The following PARL variants were observed in gnomAD, a reference collection of about 807,000 sequenced individuals.
The protein encoded by PARL is presenilin-associated rhomboid-like protein, mitochondrial.
A neutral mutation model predicts 51.6 loss-of-function variants in PARL; 44 were observed. The observed-to-expected ratio is 0.85, with a 90% confidence interval of 0.67 to 1.10. The LOEUF is 1.10. Ranked by LOEUF, PARL falls within the 50% of genes least tolerant of loss-of-function variation. PARL has a pLI of 0.00. For missense variants in PARL, 441 were observed against 469.5 expected, an observed-to-expected ratio of 0.94 and a Z score of 0.56; for synonymous variants, 172 against 164.0, an observed-to-expected ratio of 1.05 and a Z score of -0.37.
chr3:183,827,754 G>GA (rs1185265284), downstream of PARL, among the ~76,000 whole-genome samples: 3 of 152,174 alleles, frequency 2.0e-5, no homozygotes, highest in African/African-American at 4.8e-5. Context: ...CAGGGCGGGG[G>GA]GGTGGTCCCA....
At chr3:183,861,711 G>A (rs971996700) in intron 4 of PARL, among the ~76,000 whole-genome samples, 3 of 152,056 alleles carry the variant, frequency 2.0e-5, no homozygotes, top group Non-Finnish European at 4.4e-5. Context: ...TCAAATTTGA[G>A]CAAAAGCAAT....
chr3:183,882,346 T>C lies in PARL; in HGVS notation c.125+2376A>G, dbSNP rs568396366. On this transcript the variant is annotated intron_variant, in intron 1 of 9. Transcript: ENST00000317096. ...ATATATACACATATATACACACACA[T>C]ATATACATATATGCACATATATACA... is the stretch of plus-strand genomic sequence containing the variant. Among the ~76,000 whole-genome samples, 278 of 142,830 alleles carry C rather than the reference T, an allele frequency of 1.9e-3. 1 individual carries two copies. Among genetic ancestry groups the C allele is most frequent in the Middle Eastern group, 3.7e-3 (1 of 272 alleles). 93.7% of individuals were successfully genotyped at this position (142,830 alleles called of 152,430 possible). A position where few individuals can be genotyped will look rare whatever the true frequency, so the allele number is the denominator to read the frequency against.
At chr3:183,844,430 C>CT (rs1334047405) in intron 4 of PARL, 104 bp from the exon 5 acceptor site, 6 of 780,826 alleles carry the variant, frequency 7.7e-6, no homozygotes, top group Admixed American at 6.3e-5. Context: ...TGTAAGAGTA[C>CT]TGTATACCTG....
intron 1 of PARL, among the ~76,000 whole-genome samples, chr3:183,870,696 C>A (rs1161287732): frequency 6.6e-6 from 1 of 152,096 alleles, no homozygotes; most frequent in Non-Finnish European, 1.5e-5. Flanking sequence ...CTTTTCATCA[C>A]CCCATCAAAC....
chr3:183,853,583 T>C (rs1201585675), intron 4 of PARL, among the ~76,000 whole-genome samples: 12 of 151,600 alleles, frequency 7.9e-5, no homozygotes, highest in Non-Finnish European at 1.5e-5. Flanking sequence ...TGCTTATAAC[T>C]CAACAACAAA....
At chr3:183,832,998 C>T (rs369007896) in intron 9 of PARL, among the ~76,000 whole-genome samples, 12 of 152,164 alleles carry the variant, frequency 7.9e-5, no homozygotes, top group Admixed American at 3.9e-4. Context: ...CTGCATACAG[C>T]GGGTACTCAG....
downstream of PARL, among the ~76,000 whole-genome samples, chr3:183,827,420 C>CGAGAGAGA (rs60941610): frequency 2.0e-4 from 30 of 149,986 alleles, no homozygotes; most frequent in East Asian, 1.8e-3. Context: ...CCAGCCTGGA[C>CGAGAGAGA]GAGAGAGAGA....
chr3:183,852,836 T>C (rs1237034428), intron 4 of PARL, among the ~76,000 whole-genome samples: 2 of 152,256 alleles, frequency 1.3e-5, no homozygotes, highest in Non-Finnish European at 2.9e-5. Flanking sequence ...ATCCTCACAC[T>C]ACTTGAAGGA....
chr3:183,875,164 T>C (rs1326133756), intron 1 of PARL, among the ~76,000 whole-genome samples: 2 of 152,040 alleles, frequency 1.3e-5, no homozygotes, highest in Non-Finnish European at 2.9e-5. Flanking sequence ...TCTGTAATCC[T>C]AGAACTTTGG....
At chr3:183,829,270 C>G (rs1309815994), downstream of PARL, 3 of 505,812 alleles carry the variant, frequency 5.9e-6, no homozygotes, top group Non-Finnish European at 9.7e-6. Flanking sequence ...AGGCAACCAG[C>G]GCCTTCATGT....
chr3:183,844,278 G>A lies in PARL; in HGVS notation c.560C>T (p.Ser187Phe). Residue 187 changes from serine (S) to phenylalanine (F), a missense_variant, in exon 5 of 10, where the codon TCT becomes TTT. Transcript: ENST00000317096. ...ATATCTGATCATTGTCCGCTGCAGA[G>A]AAGGTACTCTCCATAAACAGAATAC... is the stretch of plus-strand genomic sequence containing the variant. ...VLVFCLWRVP[S>F]LQRTMIRYFT... 1 of 1,609,542 alleles carries A rather than the reference G, an allele frequency of 6.2e-7. No individual in the cohort carries two copies. The highest frequency in any genetic ancestry group is 1.1e-5 in the South Asian group (1 of 90,992).
At chr3:183,838,839 C>T (rs1357527418) in intron 7 of PARL, among the ~76,000 whole-genome samples, 2 of 152,326 alleles carry the variant, frequency 1.3e-5, no homozygotes, top group East Asian at 1.9e-4. Context: ...AAAATGCCCT[C>T]GCAGGTCCTT....
At chr3:183,840,772 A>T in intron 6 of PARL, 132 bp from the exon 7 acceptor site, 2 of 596,494 alleles carry the variant, frequency 3.4e-6, no homozygotes. Context: ...GCAGTGGTAC[A>T]ATTTTGGCTC....
chr3:183,843,755 CG>C (rs2108615086), intron 5 of PARL, among the ~76,000 whole-genome samples: 2 of 151,208 alleles, frequency 1.3e-5, no homozygotes, highest in African/African-American at 4.9e-5. Flanking sequence ...GGCATGAACC[CG>C]GGAGGCGGAG....
intron 1 of PARL, among the ~76,000 whole-genome samples, chr3:183,879,053 T>A (rs1187450658): frequency 1.3e-5 from 2 of 152,216 alleles, no homozygotes; most frequent in African/African-American, 4.8e-5. Context: ...GTACTTAAAT[T>A]AGAATGGTTT....
At chr3:183,884,672 C>T in intron 1 of PARL, 50 bp downstream of exon 1, 1 of 1,559,896 alleles carries the variant, frequency 6.4e-7, no homozygotes, top group South Asian at 1.2e-5. Context: ...GATACACGGC[C>T]AGAGCTCAGG....
At chr3:183,842,907 C>T (rs1355048085) in intron 5 of PARL, among the ~76,000 whole-genome samples, 9 of 138,538 alleles carry the variant, frequency 6.5e-5, no homozygotes, top group South Asian at 4.6e-4. Flanking sequence ...CTTGCTCTGT[C>T]GCCCCAGGCT....
At chr3:183,869,746 T>C (rs1003363798) in intron 1 of PARL, among the ~76,000 whole-genome samples, 27 of 152,160 alleles carry the variant, frequency 1.8e-4, no homozygotes, top group African/African-American at 6.0e-4. Context: ...GGTTGAATTT[T>C]TGTGACCTGA....
At chr3:183,859,671 C>T (rs1197732761) in intron 4 of PARL, among the ~76,000 whole-genome samples, 1 of 152,128 alleles carries the variant, frequency 6.6e-6, no homozygotes, top group East Asian at 1.9e-4. Flanking sequence ...CACCAGATGC[C>T]ACCTTAACAA....
Sources: gnomAD v4.1 joint callset for allele counts (sites outside exome capture counted in the v4.1 genomes callset) on GRCh38, gnomAD v4.1.1 for gene constraint, MANE v1.5 for transcripts, NCBI Gene and HGNC (gene_info 2026-07-23, HGNC 2026-07-21) for gene names.